TRMT44: variants seen among roughly 807,000 people sequenced by gnomAD.
TRMT44 encodes the protein tRNA methyltransferase 44 homolog.
Under a neutral mutation model 77.3 loss-of-function variants are expected in TRMT44, and 78 were observed. The ratio of observed to expected loss-of-function variants is 1.01; its 90% CI spans 0.84 to 1.22. The LOEUF is 1.22. TRMT44 is among the 50% of genes most tolerant of loss of function. The pLI, the probability that TRMT44 is intolerant of heterozygous loss-of-function variation, is 0.00. For missense variants in TRMT44, 1,090 were observed against 964.4 expected (o/e 1.13, Z -1.73); for synonymous variants, 391 against 383.3 (o/e 1.02, Z -0.23).
At chr4:8,441,526 A>G (rs1724697033) in intron 1 of TRMT44, 85 bp downstream of exon 1, 4 of 1,403,306 alleles carry the variant, frequency 2.9e-6, no homozygotes, top group Non-Finnish European at 3.7e-6. Flanking sequence ...TCCTAAGGGT[A>G]CTAGTTCCTC....
At chr4:8,450,792 G>GTTTTTTTTTTTTTTTTTTTTTTTTTT (rs59875098) in intron 3 of TRMT44, among the ~76,000 whole-genome samples, 1 of 96,674 alleles carries the variant, frequency 1.0e-5, no homozygotes, top group Non-Finnish European at 1.9e-5. Context: ...TCATTTCCAT[G>GTTTTTTTTTTTTTTTTTTTTTTTTTT]TTTTTTTTTT....
At chr4:8,487,740 A>G (rs937341461) in intron 2 of TRMT44, among the ~76,000 whole-genome samples, 4 of 152,034 alleles carry the variant, frequency 2.6e-5, no homozygotes, top group Admixed American at 2.6e-4. Context: ...GAAAAGCAAA[A>G]AAGGGGTAGA....
rs575276741 is a variant in TRMT44, at chr4:8,454,695, A to G, written c.1132-47A>G. 13 of 1,569,756 alleles carry G rather than the reference A, an allele frequency of 8.3e-6. No individual in the cohort carries two copies. In the Admixed American group the frequency reaches 2.0e-4, roughly 24 times the overall value. ...TTTAATGTGTTCTTGCTAACTTATT[A>G]TGAAGTACTAAGGTTAACCTTTGAT... On this transcript the variant is annotated intron_variant, in intron 5 of 10. Transcript: ENST00000389737.
chr4:8,511,552 A>C, the TRMT44 span, among the ~76,000 whole-genome samples: 2 of 152,336 alleles, frequency 1.3e-5, no homozygotes, highest in Non-Finnish European at 2.9e-5. Context: ...ACTATCCGGA[A>C]TGTCAAAATC....
At position 8,467,987 on chromosome 4, in the gene TRMT44, A is replaced by G. The variant is rs1235775994; in HGVS notation, c.1568A>G (p.Tyr523Cys). 6 of 1,614,174 alleles carry G rather than the reference A, an allele frequency of 3.7e-6. No individual in the cohort carries two copies. Among genetic ancestry groups the G allele is most frequent in the African/African-American group, 2.7e-5 (2 of 75,074 alleles). Residue 523 changes from tyrosine (Y) to cysteine (C), a missense_variant, in exon 9 of 11, where the codon TAC (tyrosine) becomes TGC (cysteine). Tyr to Cys is a radical substitution (Grantham distance 194). Coordinates refer to ENST00000389737, the MANE Select transcript of TRMT44 (RefSeq NM_152544.3). Reference protein sequence around the residue: ...EASVDEKRTQYIKSRRGCPVS... With the variant: ...EASVDEKRTQCIKSRRGCPVS... ...TCCGTGGATGAAAAGAGGACTCAGT[A>G]CATTAAGAGCAGGCGGGGCTGCCCT...
At chr4:8,492,065 A>G (rs1359091116) in intron 2 of TRMT44, among the ~76,000 whole-genome samples, 2 of 152,242 alleles carry the variant, frequency 1.3e-5, no homozygotes, top group Non-Finnish European at 2.9e-5. Context: ...AGTGGTCAGG[A>G]AAAACCCCTT....
chr4:8,507,803 A>G, the TRMT44 span, among the ~76,000 whole-genome samples: 10 of 152,068 alleles, frequency 6.6e-5, no homozygotes, highest in Admixed American at 6.5e-4. Context: ...CCCGTCCCCC[A>G]GTGACAGATC....
intron 5 of TRMT44, 66 bp from the exon 6 acceptor site, chr4:8,454,676 G>A (rs1024444519): frequency 2.7e-6 from 4 of 1,499,390 alleles, no homozygotes; most frequent in South Asian, 2.3e-5. Flanking sequence ...GAACTTTAAT[G>A]TGTTCTTGCT....
intron 2 of TRMT44, among the ~76,000 whole-genome samples, chr4:8,488,784 C>T (rs1178114333): frequency 6.6e-6 from 1 of 152,190 alleles, no homozygotes; most frequent in Non-Finnish European, 1.5e-5. Flanking sequence ...GCCTTCTCGG[C>T]AGACTCTTCA....
chr4:8,489,824 C>T (rs985541485), intron 2 of TRMT44, among the ~76,000 whole-genome samples: 5 of 152,160 alleles, frequency 3.3e-5, no homozygotes, highest in African/African-American at 1.2e-4. Context: ...AACTCAACTG[C>T]TTTTGTAAAG....
chr4:8,479,804 A>G (rs1233584260), downstream of TRMT44, among the ~76,000 whole-genome samples: 1 of 152,164 alleles, frequency 6.6e-6, no homozygotes, highest in Admixed American at 6.5e-5. Flanking sequence ...TATGAATTTT[A>G]AAAACATTTT....
At chr4:8,457,015 C>A (rs948072378) in intron 6 of TRMT44, among the ~76,000 whole-genome samples, 1 of 38,462 alleles carries the variant, frequency 2.6e-5, no homozygotes, top group African/African-American at 1.9e-4. Flanking sequence ...AGCAAGACAC[C>A]CGCCCCCCCC....
intron 6 of TRMT44, among the ~76,000 whole-genome samples, 158 bp from the exon 7 acceptor site, chr4:8,463,825 ATT>A (rs1013270012): frequency 6.6e-6 from 1 of 152,180 alleles, no homozygotes; most frequent in African/African-American, 2.4e-5. Flanking sequence ...GGGAGGATAC[ATT>A]GACTTCCCCG....
In TRMT44 at chr4:8,447,482, CG is replaced by C; in HGVS notation, c.734+896del. Among the ~76,000 whole-genome samples the C allele has an allele frequency of 2.6e-5, 4 of 152,192 alleles. 1 individual carries two copies. Among genetic ancestry groups the C allele is most frequent in the Admixed American group, 2.6e-4 (4 of 15,304 alleles). ...TCTGAGTAACTGGAATGAGTTTGCCCGGGGCTTCCTAGAAAGCAGAGGGATG... is the reference window on the plus strand; with the variant it reads ...TCTGAGTAACTGGAATGAGTTTGCCCGGGCTTCCTAGAAAGCAGAGGGATG... On this transcript the variant is annotated intron_variant, in intron 2 of 10. Coordinates refer to ENST00000389737, the MANE Select transcript of TRMT44 (RefSeq NM_152544.3).
At chr4:8,505,441 G>A in the TRMT44 span, among the ~76,000 whole-genome samples, 9 of 152,156 alleles carry the variant, frequency 5.9e-5, no homozygotes, top group South Asian at 6.2e-4. Context: ...TCTGCAGCCC[G>A]GGCATCCTAG....
chr4:8,462,541 C>CT (rs1220643307), intron 6 of TRMT44, among the ~76,000 whole-genome samples: 2 of 151,576 alleles, frequency 1.3e-5, no homozygotes, highest in Non-Finnish European at 2.9e-5. Context: ...CCCATCTCTA[C>CT]TAAAAATACA....
chr4:8,442,084 T>C (rs547038220), intron 1 of TRMT44, among the ~76,000 whole-genome samples: 3 of 152,326 alleles, frequency 2.0e-5, no homozygotes, highest in African/African-American at 7.2e-5. Flanking sequence ...TCTGACCACA[T>C]TGTAGTGATT....
chr4:8,489,970 A>G (rs1296776115), intron 2 of TRMT44, among the ~76,000 whole-genome samples: 3 of 152,226 alleles, frequency 2.0e-5, no homozygotes, highest in African/African-American at 7.2e-5. Flanking sequence ...TCACTATTGT[A>G]GAATCCAAGA....
At chr4:8,489,207 T>C (rs2631746) in intron 2 of TRMT44, among the ~76,000 whole-genome samples, 107,201 of 152,174 alleles carry the variant, frequency 0.7, 38,678 homozygotes, top group African/African-American at 0.86. Flanking sequence ...TGTCATTGCA[T>C]GGGATCACAT....
Sources: gnomAD v4.1 joint callset for allele counts (sites outside exome capture counted in the v4.1 genomes callset) on GRCh38, gnomAD v4.1.1 for gene constraint, MANE v1.5 for transcripts, NCBI Gene and HGNC (gene_info 2026-07-23, HGNC 2026-07-21) for gene names.